The following RAP1B variants were observed in gnomAD, a reference collection of about 807,000 sequenced individuals.
RAP1B encodes ras-related protein Rap-1b.
A neutral mutation model predicts 27.5 loss-of-function variants in RAP1B; 1 was observed. The ratio of observed to expected loss-of-function variants is 0.04; its 90% CI spans 0.01 to 0.17. The LOEUF (loss-of-function observed/expected upper bound fraction) is 0.17. RAP1B is among the 10% of genes least tolerant of loss of function. The probability of loss-of-function intolerance (pLI) is 1.00; values close to 1 mark genes in which losing one functional copy is unlikely to be tolerated. For synonymous variants in RAP1B, 75 were observed against 73.1 expected, an observed-to-expected ratio of 1.03 and a Z score of -0.13; for missense variants, 84 against 214.8, an observed-to-expected ratio of 0.39 and a Z score of 3.81.
At chr12:68,620,492 G>C (rs1871315526) in intron 1 of RAP1B, among the ~76,000 whole-genome samples, 1 of 151,908 alleles carries the variant, frequency 6.6e-6, no homozygotes, top group African/African-American at 2.4e-5. Flanking sequence ...CAAAGTGCTG[G>C]GTAGAGCCAC....
intron 5 of RAP1B, among the ~76,000 whole-genome samples, chr12:68,655,450 A>G (rs1014526953): frequency 6.6e-6 from 1 of 152,134 alleles, no homozygotes; most frequent in Non-Finnish European, 1.5e-5. Flanking sequence ...GGGGGACCCT[A>G]CATAATTACA....
At position 68,662,563 on chromosome 12, in the gene RAP1B, A is replaced by G. The variant is rs987560077; in HGVS notation, c.*3314A>G. 7 of 152,018 alleles carry G rather than the reference A, an allele frequency of 4.6e-5. No homozygotes were observed. Among genetic ancestry groups the G allele is most frequent in the African/African-American group, 1.7e-4 (7 of 41,476 alleles). The allele number at this position is 152,018 out of a possible 1,614,324, so 9.4% of individuals were successfully genotyped here. A position where few individuals can be genotyped will look rare whatever the true frequency, so the allele number is the denominator to read the frequency against. On this transcript the variant is annotated 3_prime_UTR_variant, in exon 8 of 8. Coordinates refer to ENST00000250559, the MANE Select transcript of RAP1B (RefSeq NM_001010942.3). The stretch of plus-strand genomic sequence containing the variant: ...CTTAGAATCGAAACTCATCACTACA[A>G]CTTTTCTTTGAGTTAAACTCTTATC...
At chr12:68,656,677 G>T (rs1303853759) in intron 6 of RAP1B, 1 of 577,320 alleles carries the variant, frequency 1.7e-6, no homozygotes, top group East Asian at 2.9e-5. Context: ...AGGAAGACTG[G>T]ACAGAAAATA....
intron 1 of RAP1B, chr12:68,627,395 C>T: frequency 5.1e-6 from 3 of 592,248 alleles, no homozygotes; most frequent in Non-Finnish European, 9.2e-6. Context: ...TTTTAAAACA[C>T]ACAAATATAC....
At chr12:68,637,690 C>T (rs1232812684) in intron 1 of RAP1B, among the ~76,000 whole-genome samples, 2 of 146,368 alleles carry the variant, frequency 1.4e-5, no homozygotes, top group Non-Finnish European at 3.0e-5. Flanking sequence ...TAGTTTTGGT[C>T]TCCTTATTTC....
chr12:68,653,904 G>A lies in RAP1B; in HGVS notation c.184-208G>A, dbSNP rs1055039635. The stretch of plus-strand genomic sequence containing the variant: ...CGAGGTCGCGCCACTGCACTCCAGC[G>A]TGGTGACAGAGCAAGACTCCGTCTC... On this transcript the variant is annotated intron_variant, in intron 4 of 7. Transcript: ENST00000250559. 1.2e-4 allele frequency among the ~76,000 whole-genome samples: 18 copies of A among 151,696 alleles called. No homozygotes were observed. In the East Asian group the frequency reaches 1.9e-3, roughly 16 times the overall value.
At chr12:68,648,935 A>C in intron 2 of RAP1B, 154 bp downstream of exon 2, 1 of 672,458 alleles carries the variant, frequency 1.5e-6, no homozygotes, top group Non-Finnish European at 2.5e-6. Flanking sequence ...TCAACTTTTA[A>C]TTATATCTGG....
intron 1 of RAP1B, among the ~76,000 whole-genome samples, chr12:68,623,777 CT>C (rs1871548662): frequency 6.6e-6 from 1 of 152,182 alleles, no homozygotes. Flanking sequence ...AATCCCAGCA[CT>C]TTGGAAGGCC....
At position 68,659,744 on chromosome 12, in the gene RAP1B, T is replaced by C. The variant is rs1268032688; in HGVS notation, c.*495T>C. On this transcript the variant is annotated 3_prime_UTR_variant, in exon 8 of 8. Transcript: ENST00000250559. ...TTTTTTTTAAGAAATTCAAGGTCAT[T>C]ATTATTGTACAAAATAAGCGCTTTG... 2 of 152,612 alleles carry C rather than the reference T, an allele frequency of 1.3e-5. No individual in the cohort carries two copies. Among genetic ancestry groups the C allele is most frequent in the Non-Finnish European group, 2.9e-5 (2 of 68,114 alleles). The allele number at this position is 152,612 out of a possible 1,614,324, so 9.5% of individuals were successfully genotyped here. A position where few individuals can be genotyped will look rare whatever the true frequency, so the allele number is the denominator to read the frequency against.
intron 1 of RAP1B, among the ~76,000 whole-genome samples, chr12:68,619,164 T>G (rs573874586): frequency 6.6e-6 from 1 of 152,306 alleles, no homozygotes; most frequent in East Asian, 1.9e-4. Flanking sequence ...GGGAAAGTAT[T>G]TGTGTGATTG....
intron 4 of RAP1B, among the ~76,000 whole-genome samples, chr12:68,652,832 A>G (rs1873912364): frequency 6.6e-6 from 1 of 152,228 alleles, no homozygotes; most frequent in Non-Finnish European, 1.5e-5. Context: ...AAAAATTTTC[A>G]GTCTCACTAG....
chr12:68,627,907 C>T (rs930492949), intron 1 of RAP1B, among the ~76,000 whole-genome samples: 1 of 151,882 alleles, frequency 6.6e-6, no homozygotes, highest in Non-Finnish European at 1.5e-5. Context: ...TTGAGACCAG[C>T]CTGGGCAACA....
intron 1 of RAP1B, chr12:68,621,616 A>T (rs1871390683): frequency 6.6e-6 from 1 of 152,226 alleles, no homozygotes; most frequent in Non-Finnish European, 1.5e-5. Flanking sequence ...TAGAGCAGAA[A>T]AGAGAGTGAG....
intron 1 of RAP1B, among the ~76,000 whole-genome samples, chr12:68,646,420 C>T (rs748465071): frequency 1.3e-5 from 2 of 151,980 alleles, no homozygotes; most frequent in Admixed American, 6.6e-5. Flanking sequence ...CTTAGCCTCC[C>T]GAGTAGCTGG....
intron 1 of RAP1B, among the ~76,000 whole-genome samples, chr12:68,639,493 T>G (rs1365060485): frequency 6.6e-6 from 1 of 152,206 alleles, no homozygotes; most frequent in East Asian, 1.9e-4. Context: ...TAACTTGTCA[T>G]GAAGGAGAAT....
chr12:68,657,753 CACACACACACACACA>C, intron 7 of RAP1B: 1 of 159,674 alleles, frequency 6.3e-6, no homozygotes, highest in South Asian at 1.8e-4. Context: ...CACACACACA[CACACACACACACACA>C]CACACGTGCG....
intron 1 of RAP1B, among the ~76,000 whole-genome samples, chr12:68,622,058 T>G (rs1307562187): frequency 1.3e-5 from 2 of 152,228 alleles, no homozygotes; most frequent in African/African-American, 4.8e-5. Flanking sequence ...AAAGCATGGT[T>G]TAGTGGTGGT....
rs1340715632 is a variant in RAP1B at position 68,656,427 on chromosome 12, A to G, written c.446A>G (p.Lys149Arg). 6.2e-7 allele frequency: 1 copy of G among 1,610,918 alleles called. No individual in the cohort carries two copies. The highest frequency in any genetic ancestry group is 1.1e-5 in the South Asian group (1 of 91,012). The change falls in exon 6 of 8, where the codon AAA becomes AGA. Residue 149 changes from lysine to arginine, a missense_variant. Transcript: ENST00000250559. ...TGTGCATTCTTAGAATCTTCTGCAA[A>G]ATCAAAAATAAATGTTAATGAGGTA... ...NNCAFLESSA[K>R]SKINVNEIFY...
chr12:68,638,220 A>C (rs1035487775), intron 1 of RAP1B, among the ~76,000 whole-genome samples: 1 of 152,022 alleles, frequency 6.6e-6, no homozygotes, highest in Non-Finnish European at 1.5e-5. Flanking sequence ...ACTTCTTTTT[A>C]TATTTTACTT....
Sources: gnomAD v4.1 joint callset for allele counts (sites outside exome capture counted in the v4.1 genomes callset) on GRCh38, gnomAD v4.1.1 for gene constraint, MANE v1.5 for transcripts, NCBI Gene and HGNC (gene_info 2026-07-23, HGNC 2026-07-21) for gene names.